LNX2: variants seen among roughly 807,000 people sequenced by gnomAD.
LNX2 encodes the protein ligand of Numb protein X 2.
LNX2 carries 35 observed loss-of-function variants against 66.2 expected under a neutral mutation model. The observed-to-expected ratio is 0.53, with a 90% confidence interval of 0.40 to 0.70. The LOEUF is 0.70. LNX2 is among the 30% of genes least tolerant of loss of function. The pLI, the probability that LNX2 is intolerant of heterozygous loss-of-function variation, is 0.00. For missense variants in LNX2, 791 were observed against 850.8 expected (o/e 0.93, Z 0.87); for synonymous variants, 337 against 315.6 (o/e 1.07, Z -0.72).
chr13:27,616,774 G>A (rs1040414142), intron 1 of LNX2, among the ~76,000 whole-genome samples: 3 of 152,158 alleles, frequency 2.0e-5, no homozygotes, highest in African/African-American at 7.2e-5. Context: ...TTTTGAGATG[G>A]AGTCTAGCTC....
intron 1 of LNX2, among the ~76,000 whole-genome samples, chr13:27,602,865 T>C (rs1955674094): frequency 1.4e-5 from 2 of 140,730 alleles, no homozygotes; most frequent in South Asian, 2.2e-4. Flanking sequence ...AGCCATTGTG[T>C]TATGTGTGAT....
chr13:27,581,366 A>T lies in LNX2; in HGVS notation c.338T>A (p.Leu113Ter). 1 of 1,576,274 alleles carries T rather than the reference A, an allele frequency of 6.3e-7. No homozygotes were observed. Among genetic ancestry groups the T allele is most frequent in the Non-Finnish European group, 8.6e-7 (1 of 1,157,252 alleles). The change falls in exon 2 of 10, where the codon TTA (leucine) becomes TAA (stop). Residue 113 changes from leucine (L) to a stop codon, truncating the protein, a stop_gained. Transcript: ENST00000316334. LOFTEE classifies it high-confidence loss of function. ...VHKLLDKLLV[L>*]CPFSSVCKDV... ...TTTGCACACTGAAGAAAATGGACAT[A>T]AAACTAATAATTTGTCTAGGAGTTT...
At chr13:27,556,109 A>G in intron 7 of LNX2, 127 bp downstream of exon 7, 6 of 876,638 alleles carry the variant, frequency 6.8e-6, no homozygotes, top group Non-Finnish European at 1.0e-5. Flanking sequence ...TTCCATATGC[A>G]AGGGACAGTT....
intron 1 of LNX2, among the ~76,000 whole-genome samples, chr13:27,612,735 G>A (rs1191858984): frequency 2.6e-5 from 4 of 152,078 alleles, no homozygotes; most frequent in Non-Finnish European, 5.9e-5. Flanking sequence ...AGTAGCTGGG[G>A]TCACAGGCAT....
intron 2 of LNX2, among the ~76,000 whole-genome samples, chr13:27,575,563 C>T (rs760263833): frequency 6.6e-6 from 1 of 152,134 alleles, no homozygotes; most frequent in Non-Finnish European, 1.5e-5. Context: ...ATCTCATCTC[C>T]TGCCCTCAGA....
At position 27,593,069 on chromosome 13, in the gene LNX2, T is replaced by C. The variant is rs560862966; in HGVS notation, c.-100-11266A>G. On this transcript the variant is annotated intron_variant, in intron 1 of 9. Coordinates refer to ENST00000316334, the MANE Select transcript of LNX2 (RefSeq NM_153371.4). ...TAGGAAGTGAAACAATCAGAGGTGA[T>C]AGCATTCCACCCCATTAACAAAACA... Among the ~76,000 whole-genome samples the C allele has an allele frequency of 4.6e-5, 7 of 152,328 alleles. No homozygotes were observed. The South Asian group carries it at 1.2e-3, about 27-fold the overall frequency.
rs1290082894 is a variant in LNX2, at chr13:27,589,080, G to C, written c.-100-7277C>G. 4.6e-5 allele frequency among the ~76,000 whole-genome samples: 7 copies of C among 152,300 alleles called. No homozygotes were observed. In the East Asian group the frequency reaches 1.3e-3, roughly 29 times the overall value. On this transcript the variant is annotated intron_variant, in intron 1 of 9. Coordinates refer to ENST00000316334, the MANE Select transcript of LNX2 (RefSeq NM_153371.4). ...AATGACTGATATACAGCATCGAAGA[G>C]TTCTAAAACCCTTCTTTCACAAGAA...
At position 27,611,819 on chromosome 13, in the gene LNX2, T is replaced by C. The variant is rs533707294; in HGVS notation, c.-101+8556A>G. On this transcript the variant is annotated intron_variant, in intron 1 of 9. Coordinates refer to ENST00000316334, the MANE Select transcript of LNX2 (RefSeq NM_153371.4). ...ATATTTTGAACACACTGCTTTAAAA[T>C]ATGGAATTTAAAAAATGTTATGCTT... is the stretch of plus-strand genomic sequence containing the variant. Among the ~76,000 whole-genome samples the C allele has an allele frequency of 1.2e-4, 19 of 152,340 alleles. No homozygotes were observed. The East Asian group carries it at 3.7e-3, about 29-fold the overall frequency.
At chr13:27,604,855 ATTTTT>A (rs34254877) in intron 1 of LNX2, among the ~76,000 whole-genome samples, 8 of 138,370 alleles carry the variant, frequency 5.8e-5, no homozygotes, top group African/African-American at 8.0e-5. Flanking sequence ...TTTCTATTTA[ATTTTT>A]TTTTTTTTTT....
At chr13:27,567,959 G>T in intron 3 of LNX2, 120 bp from the exon 4 acceptor site, 1 of 796,682 alleles carries the variant, frequency 1.3e-6, no homozygotes. Flanking sequence ...TAACAGCTAA[G>T]CAGTATCACT....
At position 27,581,485 on chromosome 13, in the gene LNX2, G is replaced by A. The variant is rs768138674; in HGVS notation, c.219C>T (p.Cys73=). Residue 73 remains cysteine, a synonymous_variant, in exon 2 of 10, where the codon TGC becomes TGT. Coordinates refer to ENST00000316334, the MANE Select transcript of LNX2 (RefSeq NM_153371.4). ...CTTTCTCTTGTAAAAAGTTTCTGAG[G>A]CACTTGTAGCAGAATGTATGTCCAC... is the stretch of plus-strand genomic sequence containing the variant. ...TPCGHTFCYK[C]LRNFLQEKDF... 2 of 1,611,102 alleles carry A rather than the reference G, an allele frequency of 1.2e-6. No individual in the cohort carries two copies. Among genetic ancestry groups the A allele is most frequent in the Non-Finnish European group, 1.7e-6 (2 of 1,178,064 alleles).
intron 1 of LNX2, among the ~76,000 whole-genome samples, chr13:27,596,603 C>T (rs1955601671): frequency 6.6e-6 from 1 of 152,158 alleles, no homozygotes; most frequent in Non-Finnish European, 1.5e-5. Flanking sequence ...TTTCTTCATT[C>T]TTCCCTTCCT....
chr13:27,551,763 A>G (rs1166610314), intron 8 of LNX2, among the ~76,000 whole-genome samples: 1 of 152,186 alleles, frequency 6.6e-6, no homozygotes, highest in Non-Finnish European at 1.5e-5. Context: ...GGGATGGAAC[A>G]AGGTCCCATG....
chr13:27,558,543 TA>T (rs1448434933), intron 6 of LNX2, among the ~76,000 whole-genome samples: 1 of 152,068 alleles, frequency 6.6e-6, no homozygotes, highest in African/African-American at 2.4e-5. Context: ...TCTCAAATTA[TA>T]AAATTCAATA....
At chr13:27,593,850 C>T (rs1955570567) in intron 1 of LNX2, among the ~76,000 whole-genome samples, 1 of 151,442 alleles carries the variant, frequency 6.6e-6, no homozygotes, top group Admixed American at 6.6e-5. Flanking sequence ...CCTGCCTCTG[C>T]CTCCCAAAGT....
At chr13:27,611,525 G>C (rs748909051) in intron 1 of LNX2, among the ~76,000 whole-genome samples, 1 of 152,216 alleles carries the variant, frequency 6.6e-6, no homozygotes, top group Admixed American at 6.5e-5. Flanking sequence ...CTGTTGCACT[G>C]TAATGTGAAT....
chr13:27,579,992 C>T (rs769240937), intron 2 of LNX2, among the ~76,000 whole-genome samples: 22 of 152,184 alleles, frequency 1.4e-4, no homozygotes, highest in Non-Finnish European at 2.5e-4. Context: ...CTAGACAACA[C>T]AGTTTAGAGT....
intron 6 of LNX2, among the ~76,000 whole-genome samples, chr13:27,558,696 T>A (rs1371393164): frequency 6.6e-6 from 1 of 152,154 alleles, no homozygotes; most frequent in Admixed American, 6.5e-5. Flanking sequence ...TCCACAGTCA[T>A]TATTTAAAGG....
intron 1 of LNX2, among the ~76,000 whole-genome samples, chr13:27,618,065 GGTAA>G (rs1327935358): frequency 6.6e-6 from 1 of 152,170 alleles, no homozygotes; most frequent in African/African-American, 2.4e-5. Flanking sequence ...TTATTCTAAG[GGTAA>G]GTAATAGAAT....
Sources: allele counts gnomAD v4.1 joint callset (sites outside exome capture counted in the v4.1 genomes callset), GRCh38; gene constraint gnomAD v4.1.1; transcripts MANE v1.5; gene names NCBI Gene and HGNC (gene_info 2026-07-23, HGNC 2026-07-21).